CNTN5: variants seen among roughly 807,000 people sequenced by gnomAD.
CNTN5 encodes the protein contactin 5, also known as contactin-5.
Under a neutral mutation model 129.1 loss-of-function variants are expected in CNTN5, and 77 were observed. The observed-to-expected ratio is 0.60, with a 90% CI of 0.50 to 0.72. The LOEUF is 0.72. Ranked by LOEUF, CNTN5 falls within the 30% of genes least tolerant of loss-of-function variation. CNTN5 has a pLI of 0.00. For missense variants in CNTN5, 1,478 were observed against 1,328.8 expected (o/e 1.11, Z -1.75); for synonymous variants, 509 against 465.6 (o/e 1.09, Z -1.20).
At chr11:99,781,819 A>G (rs2135389824) in intron 3 of CNTN5, among the ~76,000 whole-genome samples, 1 of 152,234 alleles carries the variant, frequency 6.6e-6, no homozygotes, top group Admixed American at 6.5e-5. Flanking sequence ...GATTGATGGG[A>G]CGTATCTCAA....
Position 99,929,911 on chromosome 11 carries a change from TGA to T in CNTN5, c.673+13766_673+13767del, listed in dbSNP as rs571560575. Among the ~76,000 whole-genome samples, 336 of 152,230 alleles carry T rather than the reference TGA, an allele frequency of 2.2e-3. 1 individual carries two copies. The highest frequency in any genetic ancestry group is 7.7e-3 in the African/African-American group (318 of 41,530). On this transcript the variant is annotated intron_variant, in intron 7 of 24. Coordinates refer to ENST00000524871, the MANE Select transcript of CNTN5 (RefSeq NM_014361.4). ...AGAGGTAGTAGATTTAAGGCAGAAA[TGA>T]GAGTTTATTGAAACAAAGAAAAGTC...
At chr11:100,050,532 G>A (rs995166274) in intron 9 of CNTN5, among the ~76,000 whole-genome samples, 5 of 151,848 alleles carry the variant, frequency 3.3e-5, no homozygotes, top group African/African-American at 1.2e-4. Context: ...GCTAAATGAC[G>A]AGTTAATGGG....
intron 21 of CNTN5, among the ~76,000 whole-genome samples, chr11:100,320,062 G>A (rs1021408961): frequency 3.9e-5 from 6 of 152,068 alleles, no homozygotes; most frequent in African/African-American, 1.4e-4. Context: ...CATTTTATTC[G>A]AATATATACC....
At chr11:100,074,444 T>C (rs1052733891) in intron 13 of CNTN5, 150 bp downstream of exon 13, 5 of 649,808 alleles carry the variant, frequency 7.7e-6, no homozygotes, top group Non-Finnish European at 1.0e-5. Flanking sequence ...ATAGTGATTT[T>C]AAAAGAACCC....
chr11:99,613,345 T>G (rs1279131563), intron 3 of CNTN5, among the ~76,000 whole-genome samples: 1 of 152,210 alleles, frequency 6.6e-6, no homozygotes, highest in East Asian at 1.9e-4. Flanking sequence ...GTCTTCTTCC[T>G]GCAGTCTTGG....
intron 13 of CNTN5, among the ~76,000 whole-genome samples, chr11:100,124,974 C>T (rs866502663): frequency 6.6e-6 from 1 of 152,048 alleles, no homozygotes; most frequent in East Asian, 1.9e-4. Context: ...GAGTCTCATC[C>T]TCATAATTTC....
chr11:100,126,343 A>G (rs1055536201), intron 13 of CNTN5, among the ~76,000 whole-genome samples: 7 of 152,060 alleles, frequency 4.6e-5, no homozygotes, highest in African/African-American at 1.7e-4. Context: ...TCCAGAATTC[A>G]CTTGTTAATT....
chr11:100,025,862 G>T (rs11602947), intron 9 of CNTN5, among the ~76,000 whole-genome samples: 1,615 of 152,252 alleles, frequency 0.011, 26 homozygotes, highest in Middle Eastern at 0.078. Context: ...ACTTGCTTTT[G>T]ATTTTACAGG....
chr11:99,816,482 C>A (rs116134348), intron 3 of CNTN5, among the ~76,000 whole-genome samples: 1 of 152,138 alleles, frequency 6.6e-6, no homozygotes, highest in African/African-American at 2.4e-5. Flanking sequence ...CAAGCTCTTG[C>A]CTTTTCCTTC....
At chr11:99,224,253 C>T (rs192230479) in intron 1 of CNTN5, among the ~76,000 whole-genome samples, 5 of 152,210 alleles carry the variant, frequency 3.3e-5, no homozygotes, top group Admixed American at 6.5e-5. Context: ...TTTCTTTTTA[C>T]GTATTTCGAT....
chr11:99,689,481 C>T (rs1048297556), intron 3 of CNTN5, among the ~76,000 whole-genome samples: 2 of 140,056 alleles, frequency 1.4e-5, no homozygotes, highest in Admixed American at 7.5e-5. Context: ...GAGCCGAGGT[C>T]GCGCCACTGC....
chr11:99,131,814 G>A (rs1250371136), intron 1 of CNTN5, among the ~76,000 whole-genome samples: 1 of 152,066 alleles, frequency 6.6e-6, no homozygotes, highest in Non-Finnish European at 1.5e-5. Context: ...TGAATTTTAC[G>A]AGAGGTACAA....
chr11:99,296,136 A>G (rs2135933337), intron 1 of CNTN5, among the ~76,000 whole-genome samples: 1 of 152,254 alleles, frequency 6.6e-6, no homozygotes, highest in East Asian at 1.9e-4. Flanking sequence ...GAGTCTCGTG[A>G]GAGTAGAAGC....
At chr11:99,132,170 G>A (rs774988348) in intron 1 of CNTN5, among the ~76,000 whole-genome samples, 7 of 150,264 alleles carry the variant, frequency 4.7e-5, no homozygotes, top group African/African-American at 9.8e-5. Context: ...CTCAATAGAC[G>A]CAGGAAAGGC....
intron 6 of CNTN5, among the ~76,000 whole-genome samples, chr11:99,876,891 A>G (rs986065470): frequency 5.9e-5 from 9 of 152,168 alleles, no homozygotes; most frequent in African/African-American, 2.2e-4. Context: ...TTCTTGCATC[A>G]CCAATTGTGT....
At chr11:99,887,938 C>T (rs540938017) in intron 6 of CNTN5, among the ~76,000 whole-genome samples, 1 of 152,296 alleles carries the variant, frequency 6.6e-6, no homozygotes, top group South Asian at 2.1e-4. Flanking sequence ...TGGCAACACC[C>T]TCACAGACAC....
chr11:99,793,917 T>TG (rs1945842739), intron 3 of CNTN5, among the ~76,000 whole-genome samples: 1 of 152,232 alleles, frequency 6.6e-6, no homozygotes, highest in Non-Finnish European at 1.5e-5. Context: ...GTTCTGTAGA[T>TG]GCCTATTAGT....
At chr11:99,094,857 A>T (rs1866403506) in intron 1 of CNTN5, among the ~76,000 whole-genome samples, 1 of 151,924 alleles carries the variant, frequency 6.6e-6, no homozygotes, top group Non-Finnish European at 1.5e-5. Context: ...AAGGAGATTA[A>T]TGGTAAGTAA....
At chr11:99,775,137 C>T (rs1315408706) in intron 3 of CNTN5, among the ~76,000 whole-genome samples, 2 of 152,010 alleles carry the variant, frequency 1.3e-5, no homozygotes, top group African/African-American at 4.8e-5. Flanking sequence ...GTGGTTTTTA[C>T]TCTGCCATGG....
Sources: allele counts gnomAD v4.1 joint callset (sites outside exome capture counted in the v4.1 genomes callset), GRCh38; gene constraint gnomAD v4.1.1; transcripts MANE v1.5; gene names NCBI Gene and HGNC (gene_info 2026-07-23, HGNC 2026-07-21).